PROSER2: variants seen among roughly 807,000 people sequenced by gnomAD.
PROSER2 encodes proline and serine-rich protein 2.
In PROSER2, 18 loss-of-function variants were observed where a neutral mutation model predicts 14.6. The observed-to-expected ratio is 1.23, with a 90% CI of 0.85 to 1.83. The LOEUF (loss-of-function observed/expected upper bound fraction) is 1.83, where lower values mean the gene tolerates loss of function less well. Ranked by LOEUF, PROSER2 falls within the 40% of genes most tolerant of loss-of-function variation. The pLI is 0.00. For synonymous variants in PROSER2, 367 were observed against 286.4 expected (o/e 1.28, Z -2.84); for missense variants, 823 against 629.8 (o/e 1.31, Z -3.28).
At position 11,852,098 on chromosome 10, in the gene PROSER2, ATCAGACGCATCTGACATGAAC is replaced by A; in HGVS notation, c.28_48del (p.Ala10_Asp16del). On this transcript the variant is annotated inframe_deletion, in exon 2 of 4. Coordinates refer to ENST00000277570, the MANE Select transcript of PROSER2 (RefSeq NM_153256.4). Reference sequence around the variant, plus strand: ...TGGAGATGCCTGTAACCCACCGGAAATCAGACGCATCTGACATGAACTCAGACACGTCCCCCAGCTGCAGGC... The same window carrying A: ...TGGAGATGCCTGTAACCCACCGGAAATCAGACACGTCCCCCAGCTGCAGGC... 6.2e-7 allele frequency: 1 copy of A among 1,612,326 alleles called. No individual in the cohort carries two copies. The highest frequency in any genetic ancestry group is 1.1e-5 in the South Asian group (1 of 90,688).
At position 11,846,592 on chromosome 10, in the gene PROSER2, A is replaced by AT. The variant is rs1245835062; in HGVS notation, c.-81-5399dup. On this transcript the variant is annotated intron_variant, in intron 1 of 3. Coordinates refer to ENST00000277570, the MANE Select transcript of PROSER2 (RefSeq NM_153256.4). ...GGTTGTTTTTTACATTACTCTGCTT[A>AT]TTTTTTAGGTCGATAGCATTTCCTC... Among the ~76,000 whole-genome samples the AT allele has an allele frequency of 5.3e-5, 8 of 151,930 alleles. 1 individual carries two copies. Among genetic ancestry groups the AT allele is most frequent in the Admixed American group, 5.2e-4 (8 of 15,260 alleles).
In PROSER2 at chr10:11,861,474, G is replaced by T. The variant is rs1370348063; in HGVS notation, c.139-5057G>T. On this transcript the variant is annotated intron_variant, in intron 2 of 3. Coordinates refer to ENST00000277570, the MANE Select transcript of PROSER2 (RefSeq NM_153256.4). ...TGGATTGTGTGCTTAGCAGGTGCGT[G>T]TGTGTGGCTGTGATTCAGGGGATGC... 9.2e-5 allele frequency among the ~76,000 whole-genome samples: 14 copies of T among 152,280 alleles called. No individual in the cohort carries two copies. The East Asian group carries it at 1.5e-3, about 17-fold the overall frequency.
intron 1 of PROSER2, chr10:11,831,632 G>A (rs995555607): frequency 1.3e-5 from 2 of 152,180 alleles, no homozygotes; most frequent in Non-Finnish European, 2.9e-5. Flanking sequence ...CTCTGCTCTG[G>A]TTGACCTCCC....
At position 11,837,652 on chromosome 10, in the gene PROSER2, A is replaced by G. The variant is rs1356493883; in HGVS notation, c.-82+14182A>G. Among the ~76,000 whole-genome samples the G allele has an allele frequency of 6.6e-6, 1 of 152,258 alleles. No homozygotes were observed. The highest frequency in any genetic ancestry group is 2.4e-5 in the African/African-American group (1 of 41,468). Reference sequence around the variant, plus strand: ...GGGAATAATTTTTCCATTCACGTTCAGAACTACCAAAGACAGTAATGACCT... The same window carrying G: ...GGGAATAATTTTTCCATTCACGTTCGGAACTACCAAAGACAGTAATGACCT... On this transcript the variant is annotated intron_variant, in intron 1 of 3. Transcript: ENST00000277570. The surrounding 1 kb of genome is among the most constrained non-coding windows in gnomAD (Gnocchi z 4.6).
rs555700028 is a variant in PROSER2, at chr10:11,843,172, C to A, written c.-81-8825C>A. ...AGCCAGGATGGTCTTGATCTCCTGA[C>A]CTCGTGATCCGCCCACCTCGGCCTC... On this transcript the variant is annotated intron_variant, in intron 1 of 3. Transcript: ENST00000277570. Among the ~76,000 whole-genome samples the A allele has an allele frequency of 7.4e-5, 11 of 149,160 alleles. No individual in the cohort carries two copies. The South Asian group carries it at 2.4e-3, about 32-fold the overall frequency.
At chr10:11,843,131 G>T (rs1350244387) in intron 1 of PROSER2, among the ~76,000 whole-genome samples, 1 of 149,342 alleles carries the variant, frequency 6.7e-6, no homozygotes, top group Admixed American at 6.6e-5. Context: ...TAGTATAGAC[G>T]GGGTTTCACC....
At chr10:11,855,794 C>T (rs919012768) in intron 2 of PROSER2, among the ~76,000 whole-genome samples, 1 of 152,138 alleles carries the variant, frequency 6.6e-6, no homozygotes, top group African/African-American at 2.4e-5. Context: ...AGAAGATGAT[C>T]TCGAATAGTT....
chr10:11,855,485 A>G (rs1010489560), intron 2 of PROSER2, among the ~76,000 whole-genome samples: 31 of 151,690 alleles, frequency 2.0e-4, no homozygotes, highest in Non-Finnish European at 3.7e-4. Context: ...AAAAAAAAAA[A>G]AAAAAGAAAA....
chr10:11,824,982 C>T (rs977233063), intron 1 of PROSER2, among the ~76,000 whole-genome samples: 3 of 152,116 alleles, frequency 2.0e-5, no homozygotes, highest in Non-Finnish European at 1.5e-5. Context: ...CGCGCAGAGC[C>T]GTGACTGGTC....
intron 2 of PROSER2, among the ~76,000 whole-genome samples, chr10:11,855,335 G>C (rs1196848331): frequency 2.6e-5 from 4 of 151,666 alleles, no homozygotes; most frequent in African/African-American, 9.7e-5. Context: ...TTAGCTGGGC[G>C]TGTTGGCGGG....
At chr10:11,832,988 A>G (rs894040899) in intron 1 of PROSER2, among the ~76,000 whole-genome samples, 25 of 152,166 alleles carry the variant, frequency 1.6e-4, no homozygotes, top group African/African-American at 5.8e-4. Flanking sequence ...GATTACAGGC[A>G]CACGCCACCA....
At position 11,869,610 on chromosome 10, in the gene PROSER2, C is replaced by A. The variant is rs971187713; in HGVS notation, c.512C>A (p.Pro171His). 6.2e-7 allele frequency: 1 copy of A among 1,605,766 alleles called. No homozygotes were observed. Among genetic ancestry groups the A allele is most frequent in the South Asian group, 1.1e-5 (1 of 90,400 alleles). Reference sequence around the variant, plus strand: ...CCCCTGCCTAGCACCCCCGATCCCCCCAGGAGGGAGCTGCGCGCCCCCTCC... The same window carrying A: ...CCCCTGCCTAGCACCCCCGATCCCCACAGGAGGGAGCTGCGCGCCCCCTCC... ...PPPLPSTPDP[P>H]RRELRAPSPP... is the part of the protein sequence containing the mutation. Residue 171 changes from proline (P) to histidine (H), a missense_variant, in exon 4 of 4, where the codon CCC becomes CAC. Pro to His is a moderately conservative substitution (Grantham distance 77). Coordinates refer to ENST00000277570, the MANE Select transcript of PROSER2 (RefSeq NM_153256.4). The surrounding 1 kb of genome is among the most constrained non-coding windows in gnomAD (Gnocchi z 4.4).
chr10:11,827,991 T>C (rs1833639146), intron 1 of PROSER2, among the ~76,000 whole-genome samples: 1 of 152,142 alleles, frequency 6.6e-6, no homozygotes, highest in Non-Finnish European at 1.5e-5. Flanking sequence ...ACATGTCTCT[T>C]TGTGATGTGC....
At chr10:11,867,423 A>G (rs1025660174) in intron 3 of PROSER2, among the ~76,000 whole-genome samples, 5 of 152,194 alleles carry the variant, frequency 3.3e-5, no homozygotes, top group African/African-American at 1.2e-4. Context: ...ACTTGAGGCC[A>G]GGAGTTCAAG....
intron 1 of PROSER2, among the ~76,000 whole-genome samples, chr10:11,835,791 T>A (rs1333615938): frequency 6.6e-6 from 1 of 152,148 alleles, no homozygotes; most frequent in Non-Finnish European, 1.5e-5. Context: ...CATGGATGAA[T>A]GTCGTCAAGA....
At chr10:11,853,237 C>G (rs1197565315) in intron 2 of PROSER2, among the ~76,000 whole-genome samples, 1 of 152,190 alleles carries the variant, frequency 6.6e-6, no homozygotes, top group Non-Finnish European at 1.5e-5. Context: ...ACAGAATTTT[C>G]TAGACCCCCA....
In PROSER2 at chr10:11,866,189, G is replaced by A. The variant is rs1271901765; in HGVS notation, c.139-342G>A. On this transcript the variant is annotated intron_variant, in intron 2 of 3. Transcript: ENST00000277570. The surrounding 1 kb of genome is among the most constrained non-coding windows in gnomAD (Gnocchi z 6.0). Reference sequence around the variant, plus strand: ...CACCATCTTTAAGCAGAGGTTTCCCGTGATTATGGAAAAACAAGTGTGTTG... The same window carrying A: ...CACCATCTTTAAGCAGAGGTTTCCCATGATTATGGAAAAACAAGTGTGTTG... 1.3e-5 allele frequency among the ~76,000 whole-genome samples: 2 copies of A among 152,182 alleles called. No homozygotes were observed. Among genetic ancestry groups the A allele is most frequent in the Non-Finnish European group, 2.9e-5 (2 of 68,030 alleles).
At chr10:11,853,738 G>A (rs561329589) in intron 2 of PROSER2, among the ~76,000 whole-genome samples, 6 of 152,210 alleles carry the variant, frequency 3.9e-5, no homozygotes, top group Admixed American at 3.3e-4. Flanking sequence ...TCGTTTCTCC[G>A]TAGACGTTTA....
Position 11,852,195 on chromosome 10 carries a change from C to G in PROSER2, c.118C>G (p.Arg40Gly). ...GSLESRSSSS[R>G]SRSFTLDDES... ...CCTGGAGAGTCGAAGCAGCAGCTCT[C>G]GCTCCAGAAGCTTCACTTTGGTGAG... is the stretch of plus-strand genomic sequence containing the variant. The change falls in exon 2 of 4, where the codon CGC (arginine) becomes GGC (glycine). Residue 40 changes from arginine (R) to glycine (G), a missense_variant. Coordinates refer to ENST00000277570, the MANE Select transcript of PROSER2 (RefSeq NM_153256.4). The G allele has an allele frequency of 6.2e-7, 1 of 1,611,792 alleles. No homozygotes were observed. The highest frequency in any genetic ancestry group is 8.5e-7 in the Non-Finnish European group (1 of 1,178,960).
Sources: allele counts gnomAD v4.1 joint callset (sites outside exome capture counted in the v4.1 genomes callset), GRCh38; gene constraint gnomAD v4.1.1; non-coding constraint Gnocchi (gnomAD v3.1); transcripts MANE v1.5; gene names NCBI Gene and HGNC (gene_info 2026-07-23, HGNC 2026-07-21).